The following PDE3A variants were observed in gnomAD, a reference collection of about 807,000 sequenced individuals.
PDE3A encodes the protein cGMP-inhibited 3',5'-cyclic phosphodiesterase 3A.
In PDE3A, 43 loss-of-function variants were observed where a neutral mutation model predicts 98.3. The observed-to-expected ratio is 0.44, with a 90% CI of 0.34 to 0.56. PDE3A has a LOEUF of 0.56. PDE3A is among the 20% of genes least tolerant of loss of function. The pLI is 0.01. For missense variants in PDE3A, 1,427 were observed against 1,440.7 expected (o/e 0.99, Z 0.15); for synonymous variants, 663 against 567.9 (o/e 1.17, Z -2.38).
chr12:20,370,147 G>A lies in PDE3A; in HGVS notation c.863G>A (p.Arg288Lys). 1.2e-6 allele frequency: 2 copies of A among 1,613,408 alleles called. No homozygotes were observed. Among genetic ancestry groups the A allele is most frequent in the Non-Finnish European group, 1.7e-6 (2 of 1,179,928 alleles). Reference protein sequence around the residue: ...GTKEDIPVFKRRRRSSSVVSA... With the variant: ...GTKEDIPVFKKRRRSSSVVSA... ...AAGGAAGATATCCCGGTGTTTAAGA[G>A]GAGGAGGCGGTCCAGCTCCGTCGTG... is the stretch of plus-strand genomic sequence containing the variant. The change falls in exon 1 of 16, where the codon AGG (arginine) becomes AAG (lysine). Residue 288 changes from arginine (R) to lysine (K), a missense_variant. Physicochemically the swap from Arg to Lys is conservative, Grantham distance 26 (BLOSUM62 2). Coordinates refer to ENST00000359062, the MANE Select transcript of PDE3A (RefSeq NM_000921.5).
At chr12:20,461,236 GA>G (rs67508401) in intron 1 of PDE3A, among the ~76,000 whole-genome samples, 181 of 98,478 alleles carry the variant, frequency 1.8e-3, no homozygotes, top group Middle Eastern at 0.011. Flanking sequence ...GTGTTTGTCA[GA>G]AAAAAAAAAA....
chr12:20,525,471 G>T (rs915102789), intron 1 of PDE3A, among the ~76,000 whole-genome samples: 16 of 147,976 alleles, frequency 1.1e-4, no homozygotes, highest in Non-Finnish European at 2.2e-4. Flanking sequence ...TTTGGTTGGG[G>T]GGGGGGGCTT....
intron 1 of PDE3A, among the ~76,000 whole-genome samples, chr12:20,454,985 C>T (rs1395131303): frequency 6.6e-6 from 1 of 152,154 alleles, no homozygotes; most frequent in Non-Finnish European, 1.5e-5. Flanking sequence ...TGGGTATATA[C>T]CCAGTAATGA....
chr12:20,608,463 GTTGCTTTTGTTTTCACTTAAAGACCT>G (rs1943768159), intron 2 of PDE3A, among the ~76,000 whole-genome samples: 1 of 151,982 alleles, frequency 6.6e-6, no homozygotes, highest in Non-Finnish European at 1.5e-5. Context: ...CGGCTTGAAT[GTTGCTTTTGTTTTCACTTAAAGACCT>G]TTGCTTTTGC....
intron 1 of PDE3A, among the ~76,000 whole-genome samples, chr12:20,487,905 A>G (rs1223391094): frequency 2.6e-5 from 4 of 152,158 alleles, no homozygotes; most frequent in African/African-American, 9.7e-5. Context: ...GAAGTTTTTC[A>G]CACAGTTTTT....
intron 1 of PDE3A, among the ~76,000 whole-genome samples, chr12:20,403,007 C>A (rs1219215377): frequency 1.3e-5 from 2 of 152,228 alleles, no homozygotes; most frequent in East Asian, 3.9e-4. Context: ...TATATAACTC[C>A]TACTCATTAT....
At chr12:20,456,112 T>A (rs1429954138) in intron 1 of PDE3A, among the ~76,000 whole-genome samples, 1 of 152,130 alleles carries the variant, frequency 6.6e-6, no homozygotes, top group East Asian at 1.9e-4. Context: ...GCTTCCCTCA[T>A]GAAGGGATCA....
At position 20,422,142 on chromosome 12, in the gene PDE3A, C is replaced by T. The variant is rs374533758; in HGVS notation, c.960+51898C>T. Among the ~76,000 whole-genome samples the T allele has an allele frequency of 3.7e-4, 56 of 152,128 alleles. No homozygotes were observed. The South Asian group carries it at 3.9e-3, about 11-fold the overall frequency. On this transcript the variant is annotated intron_variant, in intron 1 of 15. Coordinates refer to ENST00000359062, the MANE Select transcript of PDE3A (RefSeq NM_000921.5). ...TGGGCGGATCACTAGGTCAGGAGATCGAGACCATCCTGGCTAACACGGTGA... is the reference window on the plus strand; with the variant it reads ...TGGGCGGATCACTAGGTCAGGAGATTGAGACCATCCTGGCTAACACGGTGA...
At chr12:20,505,988 C>T in intron 1 of PDE3A, among the ~76,000 whole-genome samples, 1 of 151,790 alleles carries the variant, frequency 6.6e-6, no homozygotes, top group African/African-American at 2.4e-5. Flanking sequence ...TTCTAGGGAC[C>T]ATAGTGGGTT....
At chr12:20,401,433 T>C (rs1213376125) in intron 1 of PDE3A, among the ~76,000 whole-genome samples, 1 of 151,888 alleles carries the variant, frequency 6.6e-6, no homozygotes, top group East Asian at 1.9e-4. Flanking sequence ...TCTACCCTTC[T>C]TAACATTCAG....
intron 15 of PDE3A, among the ~76,000 whole-genome samples, chr12:20,674,890 C>A (rs891306773): frequency 2.6e-5 from 4 of 151,838 alleles, no homozygotes; most frequent in Non-Finnish European, 4.4e-5. Flanking sequence ...TTTCAAAAAA[C>A]CAACTTTTGT....
intron 14 of PDE3A, among the ~76,000 whole-genome samples, chr12:20,650,807 G>T (rs936854494): frequency 2.6e-5 from 3 of 113,402 alleles, no homozygotes; most frequent in East Asian, 6.7e-4. Context: ...TATGATAAAA[G>T]TTATTTGCAA....
At chr12:20,386,118 T>TATAA (rs1943779362) in intron 1 of PDE3A, among the ~76,000 whole-genome samples, 1 of 61,842 alleles carries the variant, frequency 1.6e-5, no homozygotes, top group East Asian at 6.4e-4. Context: ...TATAAATATA[T>TATAA]ATAAATATAT....
intron 1 of PDE3A, among the ~76,000 whole-genome samples, chr12:20,410,886 C>G (rs1169166524): frequency 1.3e-5 from 2 of 152,194 alleles, no homozygotes; most frequent in Non-Finnish European, 2.9e-5. Flanking sequence ...CAACATATTT[C>G]CTGTTCTGTC....
intron 5 of PDE3A, among the ~76,000 whole-genome samples, chr12:20,626,599 A>G (rs534402193): frequency 6.6e-6 from 1 of 152,172 alleles, no homozygotes; most frequent in South Asian, 2.1e-4. Context: ...CCTGGGTTCA[A>G]GCAATTCTCC....
intron 1 of PDE3A, among the ~76,000 whole-genome samples, chr12:20,461,283 T>TA (rs1945245914): frequency 6.8e-6 from 1 of 146,702 alleles, no homozygotes; most frequent in African/African-American, 2.6e-5. Context: ...TTGAAAGAGA[T>TA]AGCATTGTCT....
intron 5 of PDE3A, among the ~76,000 whole-genome samples, chr12:20,628,110 T>G (rs1396616624): frequency 6.6e-6 from 1 of 152,164 alleles, no homozygotes; most frequent in Non-Finnish European, 1.5e-5. Flanking sequence ...AAACTAATTA[T>G]GAGCTATTAG....
Position 20,421,614 on chromosome 12 carries a change from AAC to A in PDE3A, c.960+51371_960+51372del, listed in dbSNP as rs200589051. 2.3e-4 allele frequency among the ~76,000 whole-genome samples: 35 copies of A among 151,238 alleles called. 1 individual carries two copies. Among genetic ancestry groups the A allele is most frequent in the African/African-American group, 4.4e-4 (18 of 41,160 alleles). ...TATTGGTAATAAAAAAAAAAAAAAA[AAC>A]CACCCATGCTCACTTTTGTGCTTGG... On this transcript the variant is annotated intron_variant, in intron 1 of 15. Transcript: ENST00000359062.
intron 1 of PDE3A, among the ~76,000 whole-genome samples, chr12:20,402,886 C>A (rs1238841830): frequency 2.6e-5 from 4 of 151,986 alleles, no homozygotes; most frequent in African/African-American, 7.3e-5. Context: ...AATGGGTCTG[C>A]TTGGGTACCA....
Sources: allele counts gnomAD v4.1 joint callset (sites outside exome capture counted in the v4.1 genomes callset), GRCh38; gene constraint gnomAD v4.1.1; transcripts MANE v1.5; gene names NCBI Gene and HGNC (gene_info 2026-07-23, HGNC 2026-07-21).